Variants in PRKD1 observed in about 807,000 individuals in gnomAD.
PRKD1 encodes serine/threonine-protein kinase D1.
PRKD1 carries 63 observed loss-of-function variants against 95.9 expected under a neutral mutation model. The ratio of observed to expected loss-of-function variants is 0.66; its 90% CI spans 0.54 to 0.81. The LOEUF is 0.81. Ranked by LOEUF, PRKD1 falls within the 30% of genes least tolerant of loss-of-function variation. The pLI is 0.00. For missense variants in PRKD1, 1,048 were observed against 1,165.3 expected, an observed-to-expected ratio of 0.90 and a Z score of 1.47; for synonymous variants, 425 against 423.1, an observed-to-expected ratio of 1.00 and a Z score of -0.05.
At chr14:29,666,358 C>T in intron 2 of PRKD1, 150 bp from the exon 3 acceptor site, 1 of 748,168 alleles carries the variant, frequency 1.3e-6, no homozygotes, top group South Asian at 3.7e-5. Flanking sequence ...CACTTTCAGC[C>T]ATTAGACATT....
At chr14:29,721,912 A>C (rs1885916860) in intron 2 of PRKD1, among the ~76,000 whole-genome samples, 1 of 152,162 alleles carries the variant, frequency 6.6e-6, no homozygotes, top group Non-Finnish European at 1.5e-5. Context: ...TTTTTCAAAA[A>C]GAAACGGAGG....
chr14:29,762,176 A>G (rs920634368), intron 1 of PRKD1, among the ~76,000 whole-genome samples: 5 of 152,176 alleles, frequency 3.3e-5, no homozygotes, highest in African/African-American at 7.2e-5. Context: ...CTTTGGATAA[A>G]CACACTAGTT....
chr14:29,791,140 T>G (rs963976632), intron 1 of PRKD1, among the ~76,000 whole-genome samples: 1 of 152,202 alleles, frequency 6.6e-6, no homozygotes, highest in African/African-American at 2.4e-5. Flanking sequence ...CACAGAGATT[T>G]TCCCATCTAA....
chr14:29,611,680 T>C (rs1878476057), intron 13 of PRKD1, among the ~76,000 whole-genome samples: 1 of 151,058 alleles, frequency 6.6e-6, no homozygotes, highest in Admixed American at 6.6e-5. Context: ...TATGACCCCC[T>C]TCCCTTCACA....
At chr14:29,677,766 T>C (rs1431347821) in intron 2 of PRKD1, among the ~76,000 whole-genome samples, 1 of 152,192 alleles carries the variant, frequency 6.6e-6, no homozygotes, top group Admixed American at 6.5e-5. Context: ...GATTTCACCA[T>C]GTTGGCCAGG....
At chr14:29,886,655 T>C (rs1274903923) in intron 1 of PRKD1, among the ~76,000 whole-genome samples, 1 of 152,196 alleles carries the variant, frequency 6.6e-6, no homozygotes. Context: ...TCTGCTGATA[T>C]CCTTTCAGCC....
chr14:29,900,389 T>C (rs1594613873), intron 1 of PRKD1, among the ~76,000 whole-genome samples: 1 of 151,976 alleles, frequency 6.6e-6, no homozygotes, highest in African/African-American at 2.4e-5. Flanking sequence ...GCTTTGATAA[T>C]GAAAAAAGAA....
At chr14:29,787,248 A>T (rs1323303347) in intron 1 of PRKD1, among the ~76,000 whole-genome samples, 1 of 129,178 alleles carries the variant, frequency 7.7e-6, no homozygotes, top group Non-Finnish European at 1.6e-5. Context: ...GAGGCCTAAT[A>T]TATGGTCTTT....
chr14:29,849,746 T>C (rs559555339), intron 1 of PRKD1, among the ~76,000 whole-genome samples: 73 of 151,162 alleles, frequency 4.8e-4, no homozygotes, highest in African/African-American at 1.6e-3. Context: ...ATTCTGATAA[T>C]ATAAAAAAAA....
At chr14:29,579,300 C>T (rs7161245) in intron 16 of PRKD1, among the ~76,000 whole-genome samples, 107,558 of 151,548 alleles carry the variant, frequency 0.71, 38,360 homozygotes, top group Non-Finnish European at 0.75. Context: ...CCATGTTTCT[C>T]TTTTTGAATT....
chr14:29,666,191 C>G lies in PRKD1; in HGVS notation c.421G>C (p.Asp141His), dbSNP rs1882495636. Residue 141 changes from aspartate to histidine, a missense_variant, in exon 3 of 18, where the codon GAC becomes CAC. This residue lies in a region of PRKD1 where 275 missense variants were observed against 248.6 expected (regional missense o/e 1.11). Coordinates refer to ENST00000331968, the MANE Select transcript of PRKD1 (RefSeq NM_002742.3). ...VVLSASATFE[D>H]FQIRPHALFV... ...AGAGCGTGGGGACGAATCTGAAAGT[C>G]TTCAAAGGTGGCGGAAGCTGTAAAA... 1 of 1,593,020 alleles carries G rather than the reference C, an allele frequency of 6.3e-7. No individual in the cohort carries two copies. The highest frequency in any genetic ancestry group is 1.3e-5 in the African/African-American group (1 of 74,704).
intron 4 of PRKD1, among the ~76,000 whole-genome samples, chr14:29,646,903 T>C (rs1881163093): frequency 6.6e-6 from 1 of 152,066 alleles, no homozygotes; most frequent in Non-Finnish European, 1.5e-5. Flanking sequence ...GGAACGCACA[T>C]GTTTCCAGGC....
chr14:29,625,526 T>C (rs1047191358), intron 12 of PRKD1, among the ~76,000 whole-genome samples: 1 of 152,196 alleles, frequency 6.6e-6, no homozygotes, highest in Non-Finnish European at 1.5e-5. Flanking sequence ...ATATTTACCA[T>C]GATCTATCTA....
chr14:29,720,784 A>AAAT, intron 2 of PRKD1, among the ~76,000 whole-genome samples: 1 of 151,540 alleles, frequency 6.6e-6, no homozygotes, highest in African/African-American at 2.4e-5. Context: ...TGTCTCAAAA[A>AAAT]AAATAAATAA....
intron 16 of PRKD1, among the ~76,000 whole-genome samples, chr14:29,588,120 T>C (rs1012819950): frequency 4.6e-5 from 7 of 152,236 alleles, no homozygotes; most frequent in Admixed American, 3.9e-4. Context: ...GTTTAATTAT[T>C]AAAATGACAA....
intron 1 of PRKD1, among the ~76,000 whole-genome samples, chr14:29,909,515 A>G (rs1274213888): frequency 6.6e-6 from 1 of 152,180 alleles, no homozygotes; most frequent in Non-Finnish European, 1.5e-5. Context: ...TGTCTAGCTA[A>G]GGGATTGTAG....
chr14:29,879,376 T>G (rs1469573432), intron 1 of PRKD1, among the ~76,000 whole-genome samples: 1 of 152,182 alleles, frequency 6.6e-6, no homozygotes, highest in Non-Finnish European at 1.5e-5. Flanking sequence ...TCTGGTGGGT[T>G]TATCAGGGGC....
At chr14:29,792,659 T>A (rs1303508535) in intron 1 of PRKD1, among the ~76,000 whole-genome samples, 1 of 151,940 alleles carries the variant, frequency 6.6e-6, no homozygotes, top group African/African-American at 2.4e-5. Context: ...TCAGGAAAAT[T>A]TCTAAAATGT....
intron 2 of PRKD1, among the ~76,000 whole-genome samples, chr14:29,689,703 G>A (rs1454430090): frequency 6.6e-6 from 1 of 152,080 alleles, no homozygotes; most frequent in Admixed American, 6.6e-5. Context: ...CTTTACAATA[G>A]CAAGACATGG....
Sources: allele counts gnomAD v4.1 joint callset (sites outside exome capture counted in the v4.1 genomes callset), GRCh38; gene constraint gnomAD v4.1.1; regional missense constraint gnomAD v4.1.1; transcripts MANE v1.5; gene names NCBI Gene and HGNC (gene_info 2026-07-23, HGNC 2026-07-21).